The following ZNF410 variants were observed in gnomAD, a reference collection of about 807,000 sequenced individuals.
The protein encoded by ZNF410 is zinc finger protein 410, also known as another partner for ARF 1.
ZNF410 carries 18 observed loss-of-function variants against 54.8 expected under a neutral mutation model. The ratio of observed to expected loss-of-function variants is 0.33; its 90% CI spans 0.23 to 0.49. The LOEUF (loss-of-function observed/expected upper bound fraction) is 0.49, where lower values mean the gene tolerates loss of function less well. Among genes scored for constraint, ZNF410 ranks in the 20% least tolerant of loss-of-function variants. ZNF410 has a pLI of 0.99. For synonymous variants in ZNF410, 191 were observed against 207.3 expected (o/e 0.92, Z 0.68); for missense variants, 405 against 569.6 (o/e 0.71, Z 2.94).
At chr14:73,929,223 T>G (rs971729244) in intron 11 of ZNF410, among the ~76,000 whole-genome samples, 2 of 152,204 alleles carry the variant, frequency 1.3e-5, no homozygotes, top group African/African-American at 2.4e-5. Flanking sequence ...ATCCCCTCCT[T>G]TTCTTTCTTC....
chr14:73,919,220 C>T (rs910404786), intron 8 of ZNF410, among the ~76,000 whole-genome samples: 10 of 151,614 alleles, frequency 6.6e-5, no homozygotes, highest in African/African-American at 2.4e-4. Context: ...TGGTCTTGAT[C>T]TCCTGACCTC....
intron 1 of ZNF410, chr14:73,891,793 A>AT (rs1172899509): frequency 4.6e-5 from 25 of 538,012 alleles, no homozygotes; most frequent in Non-Finnish European, 6.5e-5. Context: ...CTCTATCCAT[A>AT]TTTAAGATAG....
At chr14:73,896,956 C>T (rs1161275224) in intron 4 of ZNF410, among the ~76,000 whole-genome samples, 1 of 151,988 alleles carries the variant, frequency 6.6e-6, no homozygotes, top group Non-Finnish European at 1.5e-5. Flanking sequence ...CTAGAGAAGT[C>T]TCAAGCATAA....
intron 8 of ZNF410, among the ~76,000 whole-genome samples, chr14:73,912,311 A>C (rs895044482): frequency 7.7e-6 from 1 of 129,616 alleles, no homozygotes; most frequent in African/African-American, 3.5e-5. Flanking sequence ...CTGGTATTAC[A>C]GGCGCGTGCC....
intron 11 of ZNF410, among the ~76,000 whole-genome samples, chr14:73,926,548 C>T (rs11159046): frequency 0.34 from 51,007 of 151,892 alleles, 9,675 homozygotes; most frequent in Non-Finnish European, 0.42. Context: ...ATTCTCCTGC[C>T]TCAAGTCTCC....
At chr14:73,888,069 T>G (rs1054334171) in intron 1 of ZNF410, among the ~76,000 whole-genome samples, 1 of 152,122 alleles carries the variant, frequency 6.6e-6, no homozygotes, top group Admixed American at 6.5e-5. Context: ...CTGAGAGACC[T>G]AAACAGGGCA....
rs372085294 is a variant in ZNF410, at chr14:73,931,470, A to G, written c.1399-33A>G. On this transcript the variant is annotated intron_variant, in intron 11 of 11. Coordinates refer to ENST00000555044, the MANE Select transcript of ZNF410 (RefSeq NM_021188.3). ...TTATTTTTTCTATAATTCAACTGTA[A>G]CCTATTCTAGATTTGCTTTCAATCT... The G allele has an allele frequency of 4.4e-5, 70 of 1,587,388 alleles. No individual in the cohort carries two copies. The Middle Eastern group carries it at 1.2e-3, about 27-fold the overall frequency.
At position 73,931,675 on chromosome 14, in the gene ZNF410, C is replaced by G. The variant is rs937042154; in HGVS notation, c.*134C>G. ...CAAGACTCTGCTTTTGCCACTCTTCCTCTTTCCTGGTATAGAAGATGGATG... is the reference window on the plus strand; with the variant it reads ...CAAGACTCTGCTTTTGCCACTCTTCGTCTTTCCTGGTATAGAAGATGGATG... On this transcript the variant is annotated 3_prime_UTR_variant, in exon 12 of 12. Coordinates refer to ENST00000555044, the MANE Select transcript of ZNF410 (RefSeq NM_021188.3). 41 of 764,670 alleles carry G rather than the reference C, an allele frequency of 5.4e-5. No homozygotes were observed. The East Asian group carries it at 1.1e-3, about 20-fold the overall frequency. 47.4% of individuals were successfully genotyped at this position (764,670 alleles called of 1,614,324 possible).
intron 11 of ZNF410, among the ~76,000 whole-genome samples, chr14:73,925,670 C>T (rs954261081): frequency 6.6e-5 from 10 of 152,218 alleles, no homozygotes; most frequent in African/African-American, 2.2e-4. Flanking sequence ...TCAAGTGATC[C>T]ACCCGCCTCA....
At chr14:73,923,131 A>T (rs764234454) in intron 10 of ZNF410, among the ~76,000 whole-genome samples, 17 of 152,168 alleles carry the variant, frequency 1.1e-4, no homozygotes, top group Non-Finnish European at 2.4e-4. Context: ...TGCCTGTTTC[A>T]TACATAGTTT....
intron 11 of ZNF410, among the ~76,000 whole-genome samples, chr14:73,930,972 A>C (rs757760262): frequency 2.6e-5 from 4 of 152,188 alleles, no homozygotes; most frequent in Non-Finnish European, 5.9e-5. Flanking sequence ...AGCCTTGTGT[A>C]TAGAGTAGAA....
At chr14:73,898,360 T>C (rs765363155) in intron 5 of ZNF410, 98 bp downstream of exon 5, 1 of 1,242,516 alleles carries the variant, frequency 8.0e-7, no homozygotes, top group Non-Finnish European at 1.1e-6. Context: ...AATTATTCTA[T>C]TGATGAGAGC....
At chr14:73,917,293 C>A (rs2055681914) in intron 8 of ZNF410, among the ~76,000 whole-genome samples, 2 of 152,112 alleles carry the variant, frequency 1.3e-5, no homozygotes, top group South Asian at 4.1e-4. Context: ...CCCTTTAAAT[C>A]ATTGTTTTAA....
intron 8 of ZNF410, chr14:73,913,627 C>T (rs367759433): frequency 1.3e-5 from 2 of 152,338 alleles, no homozygotes; most frequent in Admixed American, 6.5e-5. Context: ...CTTACAAAAA[C>T]CCCACTCCGT....
chr14:73,922,180 C>A lies in ZNF410; in HGVS notation c.1244C>A (p.Thr415Asn), dbSNP rs1171010582. ...GGAGAGTCCTTGAACCTACCAAATA[C>A]CAATTCTATCCTGGGAGTTGATGAT... ...LGGESLNLPN[T>N]NSILGVDDEV... is the part of the protein sequence containing the mutation. The change falls in exon 10 of 12, where the codon ACC (threonine) becomes AAC (asparagine). Residue 415 changes from threonine to asparagine, a missense_variant. Around this residue, in one of 3 missense-constraint regions of ZNF410, gnomAD observed 127 missense variants for 141.3 expected, o/e 0.90. Transcript: ENST00000555044. 6.2e-7 allele frequency: 1 copy of A among 1,613,862 alleles called. No individual in the cohort carries two copies. Among genetic ancestry groups the A allele is most frequent in the Admixed American group, 1.7e-5 (1 of 59,984 alleles).
intron 8 of ZNF410, among the ~76,000 whole-genome samples, chr14:73,911,702 A>G (rs2055582168): frequency 6.6e-6 from 1 of 152,188 alleles, no homozygotes; most frequent in African/African-American, 2.4e-5. Flanking sequence ...TTATCTTATA[A>G]CCAATCCATG....
In ZNF410 at chr14:73,931,749, C is replaced by T. The variant is rs1272247367; in HGVS notation, c.*208C>T. The T allele has an allele frequency of 1.7e-6, 1 of 572,914 alleles. No homozygotes were observed. Among genetic ancestry groups the T allele is most frequent in the East Asian group, 3.3e-5 (1 of 30,530 alleles). The allele number at this position is 572,914 out of a possible 1,614,324, so 35.5% of individuals were successfully genotyped here. On this transcript the variant is annotated 3_prime_UTR_variant, in exon 12 of 12. Coordinates refer to ENST00000555044, the MANE Select transcript of ZNF410 (RefSeq NM_021188.3). ...CCATCTGATCAGACAAGGAATGAAG[C>T]AATGACTGTGGGCTGGGAAACTGTA...
intron 1 of ZNF410, among the ~76,000 whole-genome samples, chr14:73,889,244 T>C (rs1477923355): frequency 6.6e-6 from 1 of 151,950 alleles, no homozygotes; most frequent in Admixed American, 6.6e-5. Context: ...GCGTGATCAC[T>C]GTTCAGTGCA....
At chr14:73,894,503 C>A in intron 3 of ZNF410, 1 of 674,550 alleles carries the variant, frequency 1.5e-6, no homozygotes, top group Non-Finnish European at 2.7e-6. Flanking sequence ...CTCACTGCAA[C>A]CTCCGCCTCC....
Sources: allele counts gnomAD v4.1 joint callset (sites outside exome capture counted in the v4.1 genomes callset), GRCh38; gene constraint gnomAD v4.1.1; regional missense constraint gnomAD v4.1.1; transcripts MANE v1.5; gene names NCBI Gene and HGNC (gene_info 2026-07-23, HGNC 2026-07-21).